ELOVL5: variants seen among roughly 807,000 people sequenced by gnomAD.
The protein encoded by ELOVL5 is very long chain fatty acid elongase 5.
ELOVL5 carries 8 observed loss-of-function variants against 38.6 expected under a neutral mutation model. The observed-to-expected ratio is 0.21, with a 90% CI of 0.12 to 0.37. ELOVL5 has a LOEUF of 0.37. Ranked by LOEUF, ELOVL5 falls within the 10% of genes least tolerant of loss-of-function variation. The probability of loss-of-function intolerance (pLI) is 1.00; values close to 1 mark genes in which losing one functional copy is unlikely to be tolerated. For missense variants in ELOVL5, 280 were observed against 367.8 expected (o/e 0.76, Z 1.95); for synonymous variants, 127 against 133.7 (o/e 0.95, Z 0.34).
intron 3 of ELOVL5, among the ~76,000 whole-genome samples, chr6:53,289,562 T>C (rs1000520921): frequency 6.6e-6 from 1 of 152,034 alleles, no homozygotes; most frequent in Non-Finnish European, 1.5e-5. Flanking sequence ...CTACTAAAAA[T>C]ACAAAAAATT....
chr6:53,340,889 G>C (rs1377726986), intron 1 of ELOVL5, among the ~76,000 whole-genome samples: 1 of 152,134 alleles, frequency 6.6e-6, no homozygotes, highest in Non-Finnish European at 1.5e-5. Context: ...TGGAGATAGA[G>C]GCTCCCTAAA....
chr6:53,330,171 A>G (rs1013410097), intron 1 of ELOVL5, among the ~76,000 whole-genome samples: 42 of 152,208 alleles, frequency 2.8e-4, no homozygotes, highest in African/African-American at 9.6e-4. Flanking sequence ...CTAGGCTACA[A>G]TTAACCTGTT....
At chr6:53,304,107 G>A (rs1767379244) in intron 1 of ELOVL5, among the ~76,000 whole-genome samples, 1 of 152,132 alleles carries the variant, frequency 6.6e-6, no homozygotes, top group African/African-American at 2.4e-5. Context: ...CTCTTTAACG[G>A]CAAGTACTCC....
At chr6:53,304,130 G>A (rs971352440) in intron 1 of ELOVL5, among the ~76,000 whole-genome samples, 2 of 152,220 alleles carry the variant, frequency 1.3e-5, no homozygotes, top group African/African-American at 4.8e-5. Flanking sequence ...TCTGTCCTAT[G>A]AGTATAATAA....
chr6:53,268,982 G>C lies in ELOVL5; in HGVS notation c.*145C>G. The C allele has an allele frequency of 1.1e-6, 1 of 917,582 alleles. No individual in the cohort carries two copies. The highest frequency in any genetic ancestry group is 1.8e-5 in the South Asian group (1 of 56,428). The allele number at this position is 917,582 out of a possible 1,614,324, so 56.8% of individuals were successfully genotyped here. On this transcript the variant is annotated 3_prime_UTR_variant, in exon 8 of 8. Transcript: ENST00000304434. ...TATAATCTGTATACGTTTTCTAGGG[G>C]TTTTGAATTGATGAAAGAAGTCCTA...
chr6:53,275,600 A>C (rs1288867204), intron 4 of ELOVL5, among the ~76,000 whole-genome samples: 3 of 152,192 alleles, frequency 2.0e-5, no homozygotes, highest in African/African-American at 7.2e-5. Flanking sequence ...CAGCCTGCAC[A>C]GCCATTAGCA....
chr6:53,305,876 G>A (rs764167800), intron 1 of ELOVL5, among the ~76,000 whole-genome samples: 2 of 151,862 alleles, frequency 1.3e-5, no homozygotes, highest in Non-Finnish European at 1.5e-5. Context: ...AGGTTGTAGC[G>A]AGCCGAGATC....
intron 1 of ELOVL5, among the ~76,000 whole-genome samples, chr6:53,340,161 T>C (rs1437245545): frequency 6.6e-6 from 1 of 151,886 alleles, no homozygotes; most frequent in East Asian, 1.9e-4. Context: ...TACAAAAGAG[T>C]AAAAAAGTTT....
In ELOVL5 at chr6:53,275,208, G is replaced by C; in HGVS notation, c.378C>G (p.Asp126Glu). 1 of 1,614,168 alleles carries C rather than the reference G, an allele frequency of 6.2e-7. No homozygotes were observed. The change falls in exon 5 of 8, where the codon GAC becomes GAG. Residue 126 changes from aspartate (D) to glutamate (E), a missense_variant. This residue lies in a region of ELOVL5 where 150 missense variants were observed against 178.0 expected (regional missense o/e 0.84). Transcript: ENST00000304434. ...YYFSKLIEFM[D>E]TFFFILRKNN... ...TCTTGCGCAGGATGAAGAAGAAAGT[G>C]TCCATAAATTCTATGAGTTTGGAGA...
At chr6:53,320,814 T>G (rs959377417) in intron 1 of ELOVL5, among the ~76,000 whole-genome samples, 3 of 152,214 alleles carry the variant, frequency 2.0e-5, no homozygotes, top group African/African-American at 7.2e-5. Flanking sequence ...TAGTATTCGC[T>G]GTAATTACCA....
At chr6:53,279,497 T>C (rs555161252) in intron 3 of ELOVL5, among the ~76,000 whole-genome samples, 1 of 152,244 alleles carries the variant, frequency 6.6e-6, no homozygotes, top group East Asian at 1.9e-4. Context: ...TTTCGAAGGG[T>C]GGTGACTGTG....
intron 1 of ELOVL5, among the ~76,000 whole-genome samples, chr6:53,346,062 G>GC (rs997824512): frequency 2.0e-5 from 3 of 151,828 alleles, no homozygotes; most frequent in Non-Finnish European, 4.4e-5. Context: ...CCCTCCCCTT[G>GC]CCCCCCACCA....
In ELOVL5 at chr6:53,270,688, C is replaced by T; in HGVS notation, c.661G>A (p.Val221Ile). ...AGAGGGAATGTGCACGGCCAGATGACCCCGCAGCTGGTCTGGATGATTGTC... is the reference window on the plus strand; with the variant it reads ...AGAGGGAATGTGCACGGCCAGATGATCCCGCAGCTGGTCTGGATGATTGTC... ...VLTIIQTSCG[V>I]IWPCTFPLGW... The change falls in exon 7 of 8, where the codon GTC becomes ATC. Residue 221 changes from valine (V) to isoleucine (I), a missense_variant. This residue lies in a region of ELOVL5 where 125 missense variants were observed against 158.9 expected (regional missense o/e 0.79). Transcript: ENST00000304434. The T allele has an allele frequency of 1.2e-6, 2 of 1,614,126 alleles. No homozygotes were observed. The highest frequency in any genetic ancestry group is 1.7e-6 in the Non-Finnish European group (2 of 1,180,002).
chr6:53,303,406 ACT>A (rs1346477483), intron 1 of ELOVL5, among the ~76,000 whole-genome samples: 1 of 152,028 alleles, frequency 6.6e-6, no homozygotes, highest in African/African-American at 2.4e-5. Context: ...TCATCCTAAC[ACT>A]CTGAATCTAT....
chr6:53,340,986 G>C (rs1348434767), intron 1 of ELOVL5, among the ~76,000 whole-genome samples: 1 of 152,152 alleles, frequency 6.6e-6, no homozygotes, highest in Non-Finnish European at 1.5e-5. Context: ...GACCGGGTAA[G>C]GAAACCAATG....
rs774401979 is a variant in ELOVL5 at position 53,291,810 on chromosome 6, C to A, written c.212G>T (p.Gly71Val). The change falls in exon 3 of 8, where the codon GGA becomes GTA. Residue 71 changes from glycine to valine, a missense_variant. This residue lies in a region of ELOVL5 where 150 missense variants were observed against 178.0 expected (regional missense o/e 0.84). Coordinates refer to ENST00000304434, the MANE Select transcript of ELOVL5 (RefSeq NM_021814.5). Reference sequence around the variant, plus strand: ...CATATACAGAGACAGCAGTGTGAGTCCAAGGTTATACACCACTAAAATCCC... The same window carrying A: ...CATATACAGAGACAGCAGTGTGAGTACAAGGTTATACACCACTAAAATCCC... Reference protein sequence around the residue: ...CRGILVVYNLGLTLLSLYMFC... With the variant: ...CRGILVVYNLVLTLLSLYMFC... 1.9e-6 allele frequency: 3 copies of A among 1,613,412 alleles called. No homozygotes were observed. The highest frequency in any genetic ancestry group is 2.5e-6 in the Non-Finnish European group (3 of 1,179,774).
chr6:53,323,220 G>C (rs1038532737), intron 1 of ELOVL5, among the ~76,000 whole-genome samples: 2 of 152,056 alleles, frequency 1.3e-5, no homozygotes, highest in Non-Finnish European at 2.9e-5. Flanking sequence ...CACACTACTG[G>C]GTCCCAAGTA....
intron 4 of ELOVL5, among the ~76,000 whole-genome samples, chr6:53,275,631 C>T (rs534182500): frequency 1.4e-4 from 21 of 152,224 alleles, no homozygotes; most frequent in Admixed American, 3.3e-4. Context: ...ATCTGAAAAA[C>T]GCTATTGATT....
At chr6:53,309,446 A>T (rs1227051326) in intron 1 of ELOVL5, among the ~76,000 whole-genome samples, 1 of 152,076 alleles carries the variant, frequency 6.6e-6, no homozygotes, top group Non-Finnish European at 1.5e-5. Flanking sequence ...TCCTAAACTG[A>T]GCTGCTTCCT....
Sources: gnomAD v4.1 joint callset for allele counts (sites outside exome capture counted in the v4.1 genomes callset) on GRCh38, gnomAD v4.1.1 for gene constraint, gnomAD v4.1.1 regional missense constraint, MANE v1.5 for transcripts, NCBI Gene and HGNC (gene_info 2026-07-23, HGNC 2026-07-21) for gene names.